The following RARB variants were observed in gnomAD, a reference collection of about 807,000 sequenced individuals.
The protein encoded by RARB is HBV-activated protein.
Under a neutral mutation model 51.9 loss-of-function variants are expected in RARB, and 17 were observed. The ratio of observed to expected loss-of-function variants is 0.33; its 90% confidence interval spans 0.22 to 0.49. The LOEUF (loss-of-function observed/expected upper bound fraction) is 0.49, where lower values mean the gene tolerates loss of function less well. Ranked by LOEUF, RARB falls within the 20% of genes least tolerant of loss-of-function variation. RARB has a pLI of 0.99. For synonymous variants in RARB, 215 were observed against 195.4 expected (o/e 1.10, Z -0.84); for missense variants, 369 against 550.8 (o/e 0.67, Z 3.30).
chr3:24,883,507 A>C (rs1434608118), intron 2 of RARB, among the ~76,000 whole-genome samples: 1 of 152,262 alleles, frequency 6.6e-6, no homozygotes, highest in South Asian at 2.1e-4. Flanking sequence ...AAGCAGGAAC[A>C]CTACTGTTTT....
chr3:24,839,200 C>T (rs1702384886), intron 1 of RARB, among the ~76,000 whole-genome samples: 1 of 151,968 alleles, frequency 6.6e-6, no homozygotes, highest in Non-Finnish European at 1.5e-5. Context: ...AAAGTGCATG[C>T]AACTTTAGTG....
chr3:25,333,123 T>C (rs1045636895), intron 5 of RARB, among the ~76,000 whole-genome samples: 3 of 152,208 alleles, frequency 2.0e-5, no homozygotes, highest in Admixed American at 6.5e-5. Context: ...ATAGATTCAA[T>C]GCCATCCCCA....
chr3:25,254,736 G>T (rs1702818855), intron 5 of RARB, among the ~76,000 whole-genome samples: 1 of 152,028 alleles, frequency 6.6e-6, no homozygotes, highest in Non-Finnish European at 1.5e-5. Flanking sequence ...CAAAAAACTG[G>T]GTCCAAAGGG....
intron 2 of RARB, among the ~76,000 whole-genome samples, chr3:24,900,103 G>T (rs1379019149): frequency 1.3e-5 from 2 of 152,182 alleles, no homozygotes; most frequent in African/African-American, 2.4e-5. Flanking sequence ...AGTGTGGTTT[G>T]CCAGGGCAGC....
chr3:25,378,594 A>G (rs1021038031), intron 5 of RARB, among the ~76,000 whole-genome samples: 2 of 152,242 alleles, frequency 1.3e-5, no homozygotes, highest in Non-Finnish European at 2.9e-5. Flanking sequence ...CTCTGCTATC[A>G]TCATAAAACC....
At position 24,854,918 on chromosome 3, in the gene RARB, G is replaced by A. The variant is rs534239418; in HGVS notation, c.-458-3756G>A. Among the ~76,000 whole-genome samples the A allele has an allele frequency of 1.2e-4, 18 of 152,260 alleles. No homozygotes were observed. The South Asian group carries it at 3.5e-3, about 30-fold the overall frequency. On this transcript the variant is annotated intron_variant, in intron 1 of 11. Coordinates refer to the RARB transcript ENST00000383772. The stretch of plus-strand genomic sequence containing the variant: ...TAGCACGACCTCAATCAAATCTCTG[G>A]GGCTGGAAAGGAGGAATCTGTGTTT...
At chr3:24,881,528 G>A (rs965039620) in intron 2 of RARB, among the ~76,000 whole-genome samples, 10 of 152,204 alleles carry the variant, frequency 6.6e-5, no homozygotes, top group East Asian at 1.9e-4. Flanking sequence ...TGCATATTAC[G>A]ACATTTCAAA....
At chr3:25,462,871 A>G (rs575529910) in intron 2 of RARB, among the ~76,000 whole-genome samples, 3 of 152,374 alleles carry the variant, frequency 2.0e-5, no homozygotes, top group South Asian at 4.1e-4. Flanking sequence ...AAGACAGAAC[A>G]AAAGCACATA....
At chr3:25,053,409 AAAGCAGTTTCCTTTGCTT>A (rs1698376869) in intron 2 of RARB, among the ~76,000 whole-genome samples, 1 of 152,166 alleles carries the variant, frequency 6.6e-6, no homozygotes, top group African/African-American at 2.4e-5. Context: ...CCTTAATCCA[AAAGCAGTTTCCTTTGCTT>A]AGCAGGTCCA....
chr3:25,444,261 A>G (rs1357180132), intron 1 of RARB, among the ~76,000 whole-genome samples: 2 of 152,098 alleles, frequency 1.3e-5, no homozygotes, highest in Admixed American at 6.5e-5. Context: ...AAAGTTCCCA[A>G]CTCAGCTTTG....
At chr3:25,333,777 A>G (rs926710463) in intron 5 of RARB, among the ~76,000 whole-genome samples, 7 of 152,246 alleles carry the variant, frequency 4.6e-5, no homozygotes, top group Admixed American at 3.9e-4. Flanking sequence ...CATTCTACCC[A>G]TCTGACAAAG....
intron 2 of RARB, among the ~76,000 whole-genome samples, chr3:24,903,570 G>T (rs546048686): frequency 1.3e-5 from 2 of 152,134 alleles, no homozygotes; most frequent in East Asian, 3.9e-4. Flanking sequence ...ATGAAAGGGG[G>T]TGCATGGTCC....
At chr3:24,837,220 A>G (rs1032889651) in intron 1 of RARB, among the ~76,000 whole-genome samples, 44 of 152,368 alleles carry the variant, frequency 2.9e-4, no homozygotes, top group African/African-American at 9.9e-4. Flanking sequence ...GTATTAAACC[A>G]TGAATAATGT....
intron 2 of RARB, among the ~76,000 whole-genome samples, chr3:24,894,823 C>A (rs1383277488): frequency 6.6e-6 from 1 of 152,120 alleles, no homozygotes; most frequent in Non-Finnish European, 1.5e-5. Context: ...GTAGTACTTG[C>A]CCTCATGGAG....
chr3:24,917,483 T>G (rs1425057294), intron 2 of RARB, among the ~76,000 whole-genome samples: 1 of 152,216 alleles, frequency 6.6e-6, no homozygotes, highest in Non-Finnish European at 1.5e-5. Flanking sequence ...GACAAAAGAT[T>G]TGATTGAATA....
chr3:25,375,612 T>C (rs1706437813), intron 5 of RARB, among the ~76,000 whole-genome samples: 2 of 152,338 alleles, frequency 1.3e-5, no homozygotes, highest in South Asian at 4.1e-4. Context: ...AGTGAATACA[T>C]TTGTCTGAAG....
chr3:25,207,615 C>G (rs1364614551), intron 5 of RARB, among the ~76,000 whole-genome samples: 1 of 152,030 alleles, frequency 6.6e-6, no homozygotes, highest in Non-Finnish European at 1.5e-5. Context: ...TTTATTATAC[C>G]AAATCATTTA....
At chr3:25,381,481 A>G (rs1706623616) in intron 5 of RARB, among the ~76,000 whole-genome samples, 1 of 152,204 alleles carries the variant, frequency 6.6e-6, no homozygotes, top group Admixed American at 6.5e-5. Context: ...CCTTTATACA[A>G]TTTTTGCGAG....
At chr3:25,243,841 G>A (rs966059418) in intron 5 of RARB, among the ~76,000 whole-genome samples, 3 of 152,176 alleles carry the variant, frequency 2.0e-5, no homozygotes, top group African/African-American at 7.2e-5. Context: ...AGTCAGGGAG[G>A]AGTCTTTCTT....
Sources: allele counts gnomAD v4.1 joint callset (sites outside exome capture counted in the v4.1 genomes callset), GRCh38; gene constraint gnomAD v4.1.1; transcripts MANE v1.5; gene names NCBI Gene and HGNC (gene_info 2026-07-23, HGNC 2026-07-21).